Variants in EBF3 observed in about 807,000 individuals in gnomAD.
EBF3 encodes EBF transcription factor 3, also known as transcription factor COE3.
EBF3 carries 18 observed loss-of-function variants against 77.1 expected under a neutral mutation model. The ratio of observed to expected loss-of-function variants is 0.23; its 90% CI spans 0.16 to 0.35. EBF3 has a LOEUF of 0.35. EBF3 is among the 10% of genes least tolerant of loss of function. The probability of loss-of-function intolerance (pLI) is 1.00; values close to 1 mark genes in which losing one functional copy is unlikely to be tolerated. For missense variants in EBF3, 558 were observed against 860.0 expected (o/e 0.65, Z 4.39); for synonymous variants, 350 against 343.5 (o/e 1.02, Z -0.21).
chr10:129,851,159 A>G (rs913929407), intron 10 of EBF3, among the ~76,000 whole-genome samples: 10 of 152,374 alleles, frequency 6.6e-5, no homozygotes, highest in Non-Finnish European at 1.5e-4. Context: ...ATATGCTGCA[A>G]TTCAAACTGT....
chr10:129,843,634 C>T (rs1475616189), intron 11 of EBF3, among the ~76,000 whole-genome samples: 2 of 152,228 alleles, frequency 1.3e-5, no homozygotes, highest in Non-Finnish European at 2.9e-5. Context: ...AGTAATTTTC[C>T]ATATCTTAAT....
At chr10:129,906,267 C>T (rs1443393841) in intron 6 of EBF3, among the ~76,000 whole-genome samples, 4 of 152,174 alleles carry the variant, frequency 2.6e-5, no homozygotes, top group African/African-American at 4.8e-5. Context: ...TTTATTACTG[C>T]CAAGAAGAGC....
rs184584838 is a variant in EBF3, at chr10:129,936,714, C to T, written c.554+20544G>A. ...CTAGGAGCTGTGGGGGGACCCTCAG[C>T]TGTGTGGGGACCCAGGGGGCTATGG... is the stretch of plus-strand genomic sequence containing the variant. On this transcript the variant is annotated intron_variant, in intron 6 of 16. Coordinates refer to ENST00000440978, the MANE Select transcript of EBF3 (RefSeq NM_001375380.1). Among the ~76,000 whole-genome samples the T allele has an allele frequency of 9.8e-3, 1,472 of 150,434 alleles. 24 individuals carry two copies. The highest frequency in any genetic ancestry group is 0.033 in the African/African-American group (1,356 of 40,790).
chr10:129,841,041 A>AGC lies in EBF3; in HGVS notation c.1373-10_1373-9insGC. On this transcript the variant is annotated splice_polypyrimidine_tract_variant and intron_variant, in intron 13 of 16. Coordinates refer to ENST00000440978, the MANE Select transcript of EBF3 (RefSeq NM_001375380.1). This position sits in a 1 kb window ranked among gnomAD's most constrained non-coding sequence, Gnocchi z 4.6. Reference sequence around the variant, plus strand: ...ATTGCGACTGTAGCCGACTGTTGAAATCCCCCCCCCGGCCAAAAATAACAT... The same window carrying AGC: ...ATTGCGACTGTAGCCGACTGTTGAAAGCTCCCCCCCCCGGCCAAAAATAACAT... 4.6e-6 allele frequency: 5 copies of AGC among 1,076,652 alleles called. No individual in the cohort carries two copies. Among genetic ancestry groups the AGC allele is most frequent in the South Asian group, 3.2e-5 (2 of 62,180 alleles). 66.7% of individuals were successfully genotyped at this position (1,076,652 alleles called of 1,614,324 possible).
chr10:129,858,826 G>A (rs540339097), intron 10 of EBF3, among the ~76,000 whole-genome samples: 14 of 152,212 alleles, frequency 9.2e-5, no homozygotes, highest in Non-Finnish European at 1.8e-4. Flanking sequence ...ACACAGAAAG[G>A]GCTATCTCAA....
chr10:129,903,664 G>C (rs1198785181), intron 6 of EBF3, among the ~76,000 whole-genome samples: 1 of 152,178 alleles, frequency 6.6e-6, no homozygotes, highest in Non-Finnish European at 1.5e-5. Flanking sequence ...AATCAGGAGT[G>C]GGGACATATT....
Position 129,963,256 on chromosome 10 carries a change from C to T in EBF3, c.291+111G>A. On this transcript the variant is annotated intron_variant, in intron 2 of 16. Transcript: ENST00000440978. The surrounding 1 kb of genome is among the most constrained non-coding windows in gnomAD (Gnocchi z 7.1). ...CCGCACGTGGCGGCGGCGGGGTGGCCTGGCGGAGCCGAGCCCGCCGCCTAG... is the reference window on the plus strand; with the variant it reads ...CCGCACGTGGCGGCGGCGGGGTGGCTTGGCGGAGCCGAGCCCGCCGCCTAG... 6.9e-7 allele frequency: 1 copy of T among 1,444,974 alleles called. No homozygotes were observed. Among genetic ancestry groups the T allele is most frequent in the South Asian group, 1.4e-5 (1 of 72,120 alleles). 89.5% of individuals were successfully genotyped at this position (1,444,974 alleles called of 1,614,324 possible). A position where few individuals can be genotyped will look rare whatever the true frequency, so the allele number is the denominator to read the frequency against.
At chr10:129,949,504 T>G (rs1858497700) in intron 6 of EBF3, among the ~76,000 whole-genome samples, 1 of 152,082 alleles carries the variant, frequency 6.6e-6, no homozygotes, top group South Asian at 2.1e-4. Context: ...ATGGGACTCG[T>G]GGGGGAACGT....
rs139116975 is a variant in EBF3, at chr10:129,849,527, C to T, written c.1040-1047G>A. 4.8e-3 allele frequency among the ~76,000 whole-genome samples: 724 copies of T among 152,280 alleles called. 5 individuals carry two copies. The highest frequency in any genetic ancestry group is 0.016 in the African/African-American group (681 of 41,568). On this transcript the variant is annotated intron_variant, in intron 10 of 16. Coordinates refer to ENST00000440978, the MANE Select transcript of EBF3 (RefSeq NM_001375380.1). ...GGGCGGACACAAAGACTGCGGCTTC[C>T]GGAGAGGACGGCTAGGGGGCCGCCT...
At chr10:129,957,488 A>C (rs1859132799) in intron 5 of EBF3, among the ~76,000 whole-genome samples, 162 bp from the exon 6 acceptor site, 1 of 151,868 alleles carries the variant, frequency 6.6e-6, no homozygotes, top group Non-Finnish European at 1.5e-5. Context: ...TTCTGCGGCT[A>C]AACTTACGAT....
Position 129,964,207 on chromosome 10 carries a change from G to C in EBF3, c.-439C>G, listed in dbSNP as rs1277946800. The stretch of plus-strand genomic sequence containing the variant: ...CAGTCCCGGGCGCAGGCGGGGCGCG[G>C]CGGGGCCTGGAGCGGCGCGCGCAGC... On this transcript the variant is annotated 5_prime_UTR_variant, in exon 1 of 17. Transcript: ENST00000440978. The surrounding 1 kb of genome is among the most constrained non-coding windows in gnomAD (Gnocchi z 4.5). 2 of 984,890 alleles carry C rather than the reference G, an allele frequency of 2.0e-6. No individual in the cohort carries two copies. Among genetic ancestry groups the C allele is most frequent in the Non-Finnish European group, 2.4e-6 (2 of 829,806 alleles). 61.0% of individuals were successfully genotyped at this position (984,890 alleles called of 1,614,324 possible). A position where few individuals can be genotyped will look rare whatever the true frequency, so the allele number is the denominator to read the frequency against.
At chr10:129,843,515 T>C (rs1850240935) in intron 11 of EBF3, 1 of 326,832 alleles carries the variant, frequency 3.1e-6, no homozygotes, top group South Asian at 7.9e-5. Flanking sequence ...TGAGGTTTAA[T>C]GACGGAGTCT....
intron 6 of EBF3, among the ~76,000 whole-genome samples, chr10:129,937,313 C>A (rs1473754471): frequency 1.3e-5 from 2 of 152,122 alleles, no homozygotes; most frequent in African/African-American, 2.4e-5. Flanking sequence ...AGCTAAAGGA[C>A]AGAGGCTCAG....
chr10:129,896,169 G>T (rs1358543593), intron 6 of EBF3, among the ~76,000 whole-genome samples: 2 of 145,516 alleles, frequency 1.4e-5, no homozygotes, highest in Non-Finnish European at 3.0e-5. Flanking sequence ...AGGGTGGGGG[G>T]AAGGGGCTTT....
chr10:129,838,625 C>CTT (rs1015582946), intron 16 of EBF3, among the ~76,000 whole-genome samples: 2 of 152,338 alleles, frequency 1.3e-5, no homozygotes, highest in African/African-American at 4.8e-5. Context: ...GAAGAGAAAA[C>CTT]TTTGCACGAA....
chr10:129,919,633 C>A (rs1856130013), intron 6 of EBF3, among the ~76,000 whole-genome samples: 2 of 152,304 alleles, frequency 1.3e-5, no homozygotes, highest in Admixed American at 1.3e-4. Context: ...TCTCCAGCCT[C>A]CTCCAGAGCA....
intron 6 of EBF3, among the ~76,000 whole-genome samples, chr10:129,954,532 A>C (rs1858905116): frequency 6.6e-6 from 1 of 151,952 alleles, no homozygotes; most frequent in African/African-American, 2.4e-5. Flanking sequence ...GAGTCTATAG[A>C]ATGTGATTAC....
At position 129,848,113 on chromosome 10, in the gene EBF3, T is replaced by C. The variant is rs1272597254; in HGVS notation, c.1128+279A>G. On this transcript the variant is annotated intron_variant, in intron 11 of 16. Coordinates refer to ENST00000440978, the MANE Select transcript of EBF3 (RefSeq NM_001375380.1). This position sits in a 1 kb window ranked among gnomAD's most constrained non-coding sequence, Gnocchi z 4.4. ...TCCCCCTCACAGAATCCAAAATATT[T>C]GTTATCAGAAAAGCTGTTCTTTGCT... Among the ~76,000 whole-genome samples the C allele has an allele frequency of 6.6e-6, 1 of 152,206 alleles. No homozygotes were observed. The highest frequency in any genetic ancestry group is 1.5e-5 in the Non-Finnish European group (1 of 68,034).
intron 6 of EBF3, among the ~76,000 whole-genome samples, chr10:129,956,905 T>C (rs571186229): frequency 1.6e-4 from 25 of 152,330 alleles, no homozygotes; most frequent in African/African-American, 6.0e-4. Context: ...ATAAAAATAA[T>C]GTAAAAATGA....
Sources: gnomAD v4.1 joint callset for allele counts (sites outside exome capture counted in the v4.1 genomes callset) on GRCh38, gnomAD v4.1.1 for gene constraint, Gnocchi (gnomAD v3.1) non-coding constraint, MANE v1.5 for transcripts, NCBI Gene and HGNC (gene_info 2026-07-23, HGNC 2026-07-21) for gene names.